ZNF736: variants seen among roughly 807,000 people sequenced by gnomAD.
ZNF736 encodes the protein zinc finger protein 736.
Under a neutral mutation model 11.7 loss-of-function variants are expected in ZNF736, and 6 were observed. That is an observed-to-expected ratio of 0.51 (90% CI 0.28 to 1.01). The LOEUF (loss-of-function observed/expected upper bound fraction) is 1.01. Ranked by LOEUF, ZNF736 falls within the 50% of genes least tolerant of loss-of-function variation. The pLI is 0.09. For synonymous variants in ZNF736, 139 were observed against 164.7 expected, an observed-to-expected ratio of 0.84 and a Z score of 1.19; for missense variants, 444 against 496.0, an observed-to-expected ratio of 0.90 and a Z score of 1.00.
intron 3 of ZNF736, among the ~76,000 whole-genome samples, chr7:64,338,281 G>T (rs2115938957): frequency 6.6e-6 from 1 of 152,152 alleles, no homozygotes; most frequent in Admixed American, 6.5e-5. Flanking sequence ...TTTTGTATGT[G>T]TATACATAAA....
chr7:64,324,247 G>A (rs1222428983), intron 1 of ZNF736, among the ~76,000 whole-genome samples: 1 of 152,116 alleles, frequency 6.6e-6, no homozygotes, highest in African/African-American at 2.4e-5. Context: ...TTTTGCTCAT[G>A]TTTTTGACAC....
rs1433156379 is a variant in ZNF736 at position 64,354,644 on chromosome 7, T to C, written c.*5497T>C. ...TTCTTTGTATAATCACCTCAGAGAT[T>C]ATGAAAGTGACTTTGATAAAATTTA... On this transcript the variant is annotated 3_prime_UTR_variant, in exon 4 of 4. Transcript: ENST00000423484. 1.3e-5 allele frequency: 2 copies of C among 152,196 alleles called. No homozygotes were observed. The highest frequency in any genetic ancestry group is 2.9e-5 in the Non-Finnish European group (2 of 68,016). The allele number at this position is 152,196 out of a possible 1,614,324, so 9.4% of individuals were successfully genotyped here.
At chr7:64,320,972 T>G (rs1381322384) in intron 1 of ZNF736, among the ~76,000 whole-genome samples, 1 of 152,220 alleles carries the variant, frequency 6.6e-6, no homozygotes, top group Non-Finnish European at 1.5e-5. Flanking sequence ...TAAGTTCAGC[T>G]TATGTTTCTA....
At position 64,349,015 on chromosome 7, in the gene ZNF736, G is replaced by A; in HGVS notation, c.1152G>A (p.Leu384=). ...AAACCTTTAAGTGCTTCTCAGACCT[G>A]ACTAATCATAAGAGAATTCACACTG... The part of the protein sequence containing the change: ...CSKTFKCFSD[L]TNHKRIHTGE... The change falls in exon 4 of 4, where the codon CTG becomes CTA. Residue 384 remains leucine, a synonymous_variant. Coordinates refer to ENST00000423484, the MANE Select transcript of ZNF736 (RefSeq NM_001170905.3). 6.3e-7 allele frequency: 1 copy of A among 1,590,446 alleles called. No individual in the cohort carries two copies. Among genetic ancestry groups the A allele is most frequent in the Non-Finnish European group, 8.6e-7 (1 of 1,168,240 alleles).
At chr7:64,335,457 CT>C (rs1227503445) in intron 1 of ZNF736, among the ~76,000 whole-genome samples, 1 of 152,116 alleles carries the variant, frequency 6.6e-6, no homozygotes, top group Non-Finnish European at 1.5e-5. Flanking sequence ...TTGTATCCTT[CT>C]TTGTTAATCA....
intron 1 of ZNF736, among the ~76,000 whole-genome samples, chr7:64,327,569 A>G (rs902807297): frequency 3.3e-5 from 5 of 152,096 alleles, no homozygotes; most frequent in Non-Finnish European, 7.4e-5. Flanking sequence ...TACACCTGCC[A>G]TTCTGTTATC....
chr7:64,322,441 G>A (rs1789015719), intron 1 of ZNF736, among the ~76,000 whole-genome samples: 2 of 151,582 alleles, frequency 1.3e-5, no homozygotes, highest in African/African-American at 4.9e-5. Context: ...TTTTTCCTTT[G>A]GGAATCATGT....
chr7:64,353,066 G>T lies in ZNF736; in HGVS notation c.*3919G>T, dbSNP rs561733473. On this transcript the variant is annotated 3_prime_UTR_variant, in exon 4 of 4. Coordinates refer to ENST00000423484, the MANE Select transcript of ZNF736 (RefSeq NM_001170905.3). ...GCCAGTATCTAAGGCTCTTGAATCT[G>T]CGCAGGCCTAAGTGGCTTATCTGCT... The T allele has an allele frequency of 2.0e-5, 3 of 152,440 alleles. No homozygotes were observed. Among genetic ancestry groups the T allele is most frequent in the African/African-American group, 7.2e-5 (3 of 41,558 alleles). The allele number at this position is 152,440 out of a possible 1,614,324, so 9.4% of individuals were successfully genotyped here. A position where few individuals can be genotyped will look rare whatever the true frequency, so the allele number is the denominator to read the frequency against.
In ZNF736 at chr7:64,313,974, T is replaced by C. The variant is rs1376398147; in HGVS notation, c.-177T>C. The C allele has an allele frequency of 3.8e-6, 3 of 790,112 alleles. No homozygotes were observed. Among genetic ancestry groups the C allele is most frequent in the Middle Eastern group, 3.7e-4 (1 of 2,732 alleles). 48.9% of individuals were successfully genotyped at this position (790,112 alleles called of 1,614,324 possible). A position where few individuals can be genotyped will look rare whatever the true frequency, so the allele number is the denominator to read the frequency against. The stretch of plus-strand genomic sequence containing the variant: ...ACAGAGGAAGAGGCGGCCTCTTCAA[T>C]ATGGCGGGGCCTTTGTCTCCTAGCT... On this transcript the variant is annotated 5_prime_UTR_variant, in exon 1 of 4. Coordinates refer to ENST00000423484, the MANE Select transcript of ZNF736 (RefSeq NM_001170905.3).
At chr7:64,314,561 T>C (rs1029670080) in intron 1 of ZNF736, among the ~76,000 whole-genome samples, 5 of 152,042 alleles carry the variant, frequency 3.3e-5, no homozygotes, top group Non-Finnish European at 1.5e-5. Flanking sequence ...AAAAATAAAA[T>C]CATGGCCCTT....
chr7:64,337,646 A>G (rs1789272720), intron 3 of ZNF736, among the ~76,000 whole-genome samples: 1 of 152,084 alleles, frequency 6.6e-6, no homozygotes, highest in Non-Finnish European at 1.5e-5. Flanking sequence ...AACTGTATGT[A>G]TTATAGTTCA....
chr7:64,317,020 A>C (rs538520784), intron 1 of ZNF736, among the ~76,000 whole-genome samples: 1 of 152,228 alleles, frequency 6.6e-6, no homozygotes, highest in African/African-American at 2.4e-5. Flanking sequence ...TAAATTACAA[A>C]ACATTCATGA....
rs1343291558 is a variant in ZNF736, at chr7:64,356,438, T to A, written c.*7291T>A. ...ATTTGAGAATTAATATTACCCAACT[T>A]GTCCAATAAAATGTTTTTAAGTTGC... On this transcript the variant is annotated 3_prime_UTR_variant, in exon 4 of 4. Coordinates refer to ENST00000423484, the MANE Select transcript of ZNF736 (RefSeq NM_001170905.3). Among the ~76,000 whole-genome samples, 2 of 152,164 alleles carry A rather than the reference T, an allele frequency of 1.3e-5. No homozygotes were observed. Among genetic ancestry groups the A allele is most frequent in the Non-Finnish European group, 2.9e-5 (2 of 68,004 alleles).
At chr7:64,339,615 G>C (rs1189859679) in intron 3 of ZNF736, among the ~76,000 whole-genome samples, 1 of 152,024 alleles carries the variant, frequency 6.6e-6, no homozygotes, top group Admixed American at 6.6e-5. Flanking sequence ...ATTTGTTTCC[G>C]GGCTCTCCAT....
chr7:64,327,057 G>A (rs539902742), intron 1 of ZNF736, among the ~76,000 whole-genome samples: 1 of 152,214 alleles, frequency 6.6e-6, no homozygotes, highest in East Asian at 1.9e-4. Flanking sequence ...TTTCTATTAG[G>A]TCTATTTGGT....
At chr7:64,322,865 A>G (rs531082379) in intron 1 of ZNF736, among the ~76,000 whole-genome samples, 39 of 152,282 alleles carry the variant, frequency 2.6e-4, no homozygotes, top group African/African-American at 9.1e-4. Flanking sequence ...GACCATCAAC[A>G]TTTTAATTCT....
Position 64,348,718 on chromosome 7 carries a change from C to T in ZNF736, c.855C>T (p.Tyr285=). The part of the protein sequence containing the change: ...HKRIHTGEKP[Y]KCEECNKAYR... Reference sequence around the variant, plus strand: ...GAATTCATACTGGAGAGAAACCCTACAAATGTGAAGAATGTAACAAAGCCT... The same window carrying T: ...GAATTCATACTGGAGAGAAACCCTATAAATGTGAAGAATGTAACAAAGCCT... Residue 285 remains tyrosine, a synonymous_variant, in exon 4 of 4, where the codon TAC becomes TAT. Transcript: ENST00000423484. The T allele has an allele frequency of 1.2e-6, 2 of 1,607,524 alleles. No homozygotes were observed. The highest frequency in any genetic ancestry group is 8.5e-7 in the Non-Finnish European group (1 of 1,176,922).
At chr7:64,322,152 T>A (rs1461699942) in intron 1 of ZNF736, among the ~76,000 whole-genome samples, 4 of 152,142 alleles carry the variant, frequency 2.6e-5, no homozygotes, top group African/African-American at 9.7e-5. Context: ...TTATAGTGGC[T>A]ACACCATTTT....
intron 1 of ZNF736, among the ~76,000 whole-genome samples, chr7:64,325,115 A>G (rs1388251752): frequency 1.3e-5 from 2 of 152,200 alleles, no homozygotes; most frequent in Non-Finnish European, 2.9e-5. Flanking sequence ...CATTGTCTTA[A>G]GATGAAATGT....
Sources: allele counts gnomAD v4.1 joint callset (sites outside exome capture counted in the v4.1 genomes callset), GRCh38; gene constraint gnomAD v4.1.1; transcripts MANE v1.5; gene names NCBI Gene and HGNC (gene_info 2026-07-23, HGNC 2026-07-21).